The following SPSB4 variants were observed in gnomAD, a reference collection of about 807,000 sequenced individuals.
SPSB4 encodes splA/ryanodine receptor domain and SOCS box containing 4, also known as SPRY domain-containing SOCS box protein 4.
Under a neutral mutation model 20.9 loss-of-function variants are expected in SPSB4, and 21 were observed. That is an observed-to-expected ratio of 1.01 (90% CI 0.71 to 1.45). The LOEUF (loss-of-function observed/expected upper bound fraction) is 1.45. Among genes scored for constraint, SPSB4 ranks in the 40% most tolerant of loss-of-function variants. The pLI is 0.00. For synonymous variants in SPSB4, 207 were observed against 183.8 expected (o/e 1.13, Z -1.02); for missense variants, 399 against 399.2 (o/e 1.00, Z 0.00).
chr3:141,132,947 T>G (rs1939161178), intron 2 of SPSB4, among the ~76,000 whole-genome samples: 1 of 152,198 alleles, frequency 6.6e-6, no homozygotes. Flanking sequence ...TTTCACCACA[T>G]CTACACAAAC....
chr3:141,056,438 T>A (rs951140588), intron 1 of SPSB4, among the ~76,000 whole-genome samples: 10 of 152,182 alleles, frequency 6.6e-5, no homozygotes, highest in African/African-American at 2.4e-4. Context: ...TCTCCTTTCC[T>A]CCTTAGTATC....
chr3:141,084,511 C>T (rs191106107), intron 2 of SPSB4, among the ~76,000 whole-genome samples: 62 of 152,350 alleles, frequency 4.1e-4, no homozygotes, highest in African/African-American at 1.3e-3. Flanking sequence ...GGGCTTGGAA[C>T]ATTTTTAGGC....
At chr3:141,135,192 T>C (rs1432676303) in intron 2 of SPSB4, among the ~76,000 whole-genome samples, 1 of 152,000 alleles carries the variant, frequency 6.6e-6, no homozygotes, top group Non-Finnish European at 1.5e-5. Flanking sequence ...TGTTGTATGA[T>C]TCTTTTTACT....
intron 2 of SPSB4, among the ~76,000 whole-genome samples, chr3:141,130,465 C>T (rs980806310): frequency 2.6e-5 from 4 of 152,186 alleles, no homozygotes; most frequent in African/African-American, 9.7e-5. Flanking sequence ...TCATTTCATT[C>T]CCTGAAAACA....
At position 141,051,843 on chromosome 3, in the gene SPSB4, C is replaced by G. The variant is rs1297165222; in HGVS notation, c.-303C>G. On this transcript the variant is annotated 5_prime_UTR_variant, in exon 1 of 3. Transcript: ENST00000310546. ...CTGCCGGGCATCAGCCGTGAGGACG[C>G]GCCCCTGGCCGTGCGGAGAGAGCCG... 6.6e-6 allele frequency: 1 copy of G among 151,980 alleles called. No homozygotes were observed. 9.4% of individuals were successfully genotyped at this position (151,980 alleles called of 1,614,324 possible).
At chr3:141,075,892 C>CAAAAAAAAAAAAAA (rs532646509) in intron 2 of SPSB4, among the ~76,000 whole-genome samples, 2 of 68,850 alleles carry the variant, frequency 2.9e-5, no homozygotes, top group Non-Finnish European at 7.4e-5. Context: ...ACTAAAAATA[C>CAAAAAAAAAAAAAA]AAAAAAAAAA....
At chr3:141,071,694 A>G (rs896823216) in intron 2 of SPSB4, among the ~76,000 whole-genome samples, 7 of 152,154 alleles carry the variant, frequency 4.6e-5, no homozygotes, top group Non-Finnish European at 5.9e-5. Context: ...CTGACCCCAC[A>G]GAACGGGCGC....
intron 1 of SPSB4, among the ~76,000 whole-genome samples, chr3:141,061,744 T>G (rs1178435063): frequency 6.7e-6 from 1 of 148,220 alleles, no homozygotes; most frequent in Admixed American, 6.7e-5. Flanking sequence ...CTTTCTTTTT[T>G]TTTTTTTTTG....
intron 1 of SPSB4, among the ~76,000 whole-genome samples, chr3:141,065,680 C>A (rs150117010): frequency 6.6e-6 from 1 of 152,226 alleles, no homozygotes. Context: ...ATCGCTTATC[C>A]TCTCTCTGAC....
At position 141,090,232 on chromosome 3, in the gene SPSB4, G is replaced by A. The variant is rs868003795; in HGVS notation, c.694+23434G>A. On this transcript the variant is annotated intron_variant, in intron 2 of 2. Coordinates refer to ENST00000310546, the MANE Select transcript of SPSB4 (RefSeq NM_080862.3). ...AACTGAATCTGCACATATTAATTGAGTACCTACTACATGCCAAGCACTATT... is the reference window on the plus strand; with the variant it reads ...AACTGAATCTGCACATATTAATTGAATACCTACTACATGCCAAGCACTATT... Among the ~76,000 whole-genome samples, 5 of 152,286 alleles carry A rather than the reference G, an allele frequency of 3.3e-5. No individual in the cohort carries two copies. In the South Asian group the frequency reaches 6.2e-4, roughly 19 times the overall value.
In SPSB4 at chr3:141,147,262, A is replaced by G; in HGVS notation, c.815A>G (p.Tyr272Cys). 6.2e-7 allele frequency: 1 copy of G among 1,614,200 alleles called. No homozygotes were observed. Among genetic ancestry groups the G allele is most frequent in the African/African-American group, 1.3e-5 (1 of 75,050 alleles). The change falls in exon 3 of 3, where the codon TAC becomes TGC. Residue 272 changes from tyrosine to cysteine, a missense_variant. Tyr to Cys is a radical substitution (Grantham distance 194, BLOSUM62 -2). Transcript: ENST00000310546. Reference protein sequence around the residue: ...LPQSLKNYLQYQ With the variant: ...LPQSLKNYLQCQ ...CAGTCTCTCAAAAACTATCTGCAGT[A>G]CCAGTGAGCCAAGCCTGATGGGCAG... is the stretch of plus-strand genomic sequence containing the variant.
At chr3:141,099,933 T>C (rs139998509) in intron 2 of SPSB4, among the ~76,000 whole-genome samples, 213 of 152,296 alleles carry the variant, frequency 1.4e-3, no homozygotes, top group Non-Finnish European at 2.7e-3. Context: ...CCTAGTATGG[T>C]CTTGACTGGT....
chr3:141,094,425 G>A (rs753092999), intron 2 of SPSB4, among the ~76,000 whole-genome samples: 15 of 152,170 alleles, frequency 9.9e-5, no homozygotes, highest in Admixed American at 2.0e-4. Flanking sequence ...AGGTGACCAC[G>A]GGGAGATGAG....
chr3:141,098,007 A>G (rs1332142262), intron 2 of SPSB4, among the ~76,000 whole-genome samples: 1 of 152,228 alleles, frequency 6.6e-6, no homozygotes, highest in Non-Finnish European at 1.5e-5. Context: ...CTAAGGTCAC[A>G]TGGGCTGGGA....
Position 141,126,165 on chromosome 3 carries a change from A to G in SPSB4, c.695-20977A>G, listed in dbSNP as rs551826229. 1.2e-4 allele frequency among the ~76,000 whole-genome samples: 19 copies of G among 152,326 alleles called. No homozygotes were observed. The South Asian group carries it at 3.7e-3, about 30-fold the overall frequency. On this transcript the variant is annotated intron_variant, in intron 2 of 2. Coordinates refer to ENST00000310546, the MANE Select transcript of SPSB4 (RefSeq NM_080862.3). ...AGAAAATCTCATTCAGTGGCCTCAG[A>G]CAGGAAAGAGAAGCTCAGAGAGGGA... is the stretch of plus-strand genomic sequence containing the variant.
chr3:141,079,071 C>G (rs973259403), intron 2 of SPSB4, among the ~76,000 whole-genome samples: 1 of 152,122 alleles, frequency 6.6e-6, no homozygotes, highest in East Asian at 1.9e-4. Context: ...ACCATCCTGG[C>G]TAACATGGTG....
intron 2 of SPSB4, among the ~76,000 whole-genome samples, chr3:141,126,527 A>G (rs1939052099): frequency 6.6e-6 from 1 of 152,174 alleles, no homozygotes; most frequent in South Asian, 2.1e-4. Flanking sequence ...GCTTGCTACC[A>G]ACATCCCAAG....
chr3:141,079,798 G>C (rs926023967), intron 2 of SPSB4, among the ~76,000 whole-genome samples: 6 of 152,194 alleles, frequency 3.9e-5, no homozygotes, highest in Non-Finnish European at 7.3e-5. Flanking sequence ...GGTCCCCTTT[G>C]GGGGAGGGGC....
At chr3:141,078,796 CACCACTTCTGCACCCTCAA>C (rs1254684356) in intron 2 of SPSB4, among the ~76,000 whole-genome samples, 6 of 152,228 alleles carry the variant, frequency 3.9e-5, no homozygotes, top group African/African-American at 1.4e-4. Flanking sequence ...CTCTTGTGTG[CACCACTTCTGCACCCTCAA>C]GATTGTGTAG....
Sources: gnomAD v4.1 joint callset for allele counts (sites outside exome capture counted in the v4.1 genomes callset) on GRCh38, gnomAD v4.1.1 for gene constraint, MANE v1.5 for transcripts, NCBI Gene and HGNC (gene_info 2026-07-23, HGNC 2026-07-21) for gene names.